ARGFX: variants seen among roughly 807,000 people sequenced by gnomAD.
The protein encoded by ARGFX is arginine-fifty homeobox.
Under a neutral mutation model 8.0 loss-of-function variants are expected in ARGFX, and 10 were observed. The observed-to-expected ratio is 1.25, with a 90% CI of 0.77 to 2.12. ARGFX has a LOEUF of 2.12. ARGFX is among the 30% of genes most tolerant of loss of function. The pLI, the probability that ARGFX is intolerant of heterozygous loss-of-function variation, is 0.00. For synonymous variants in ARGFX, 116 were observed against 117.8 expected (o/e 0.98, Z 0.10); for missense variants, 282 against 324.3 (o/e 0.87, Z 1.00).
rs1576446815 is a variant in ARGFX at position 121,589,464 on chromosome 3, G to A, written c.*2864G>A. 8.7e-6 allele frequency among the ~76,000 whole-genome samples: 1 copy of A among 114,800 alleles called. No homozygotes were observed. The highest frequency in any genetic ancestry group is 4.2e-4 in the East Asian group (1 of 2,406). 75.3% of individuals were successfully genotyped at this position (114,800 alleles called of 152,430 possible). On this transcript the variant is annotated 3_prime_UTR_variant, in exon 5 of 5. Transcript: ENST00000334384. ...GCAATCTCGGCTCACTGCAACCTCC[G>A]CCTCCTGGGTCAAATGATTCTCCTG...
intron 2 of ARGFX, among the ~76,000 whole-genome samples, 188 bp from the exon 3 acceptor site, chr3:121,576,596 C>A (rs896917469): frequency 6.6e-6 from 1 of 152,148 alleles, no homozygotes; most frequent in African/African-American, 2.4e-5. Flanking sequence ...CTCAGCCTCC[C>A]AAAGTGCTGG....
intron 4 of ARGFX, 77 bp from the exon 5 acceptor site, chr3:121,585,945 C>T (rs981114558): frequency 4.4e-6 from 6 of 1,366,302 alleles, no homozygotes; most frequent in South Asian, 1.4e-5. Flanking sequence ...TATAACCTGG[C>T]TGTTTTCACT....
chr3:121,569,895 T>C (rs2048697371), intron 1 of ARGFX, among the ~76,000 whole-genome samples: 1 of 152,218 alleles, frequency 6.6e-6, no homozygotes, highest in Non-Finnish European at 1.5e-5. Context: ...ACATGCAAGA[T>C]GTCACCATTG....
At position 121,569,635 on chromosome 3, in the gene ARGFX, A is replaced by G. The variant is rs574975946; in HGVS notation, c.-12-1067A>G. 4.0e-4 allele frequency among the ~76,000 whole-genome samples: 61 copies of G among 152,282 alleles called. 1 individual carries two copies. The South Asian group carries it at 9.1e-3, about 23-fold the overall frequency. ...CCCTCCTCGGCCTTTCAAAGTGCTG[A>G]GATTACAGGCGTGAGCCACCATGCC... On this transcript the variant is annotated intron_variant, in intron 1 of 4. Transcript: ENST00000334384.
At position 121,586,401 on chromosome 3, in the gene ARGFX, T is replaced by A; in HGVS notation, c.749T>A (p.Leu250Gln). The change falls in exon 5 of 5, where the codon CTG (leucine) becomes CAG (glutamine). Residue 250 changes from leucine (L) to glutamine (Q), a missense_variant. By Grantham distance (113) the Leu-to-Gln change is moderately radical. Transcript: ENST00000334384. ...ATATCCAGCTCTTCTTTCCACTGTC[T>A]GTATCAGTATCTCTCACCCACAAAG... is the stretch of plus-strand genomic sequence containing the variant. ...NEISSSSFHC[L>Q]YQYLSPTKYQ... 6.2e-7 allele frequency: 1 copy of A among 1,614,228 alleles called. No homozygotes were observed. Among genetic ancestry groups the A allele is most frequent in the Non-Finnish European group, 8.5e-7 (1 of 1,180,032 alleles).
At chr3:121,583,020 G>T (rs1220285767) in intron 3 of ARGFX, among the ~76,000 whole-genome samples, 1 of 137,006 alleles carries the variant, frequency 7.3e-6, no homozygotes, top group Non-Finnish European at 1.5e-5. Flanking sequence ...TTTGATAATT[G>T]CGGGATTTTT....
intron 3 of ARGFX, among the ~76,000 whole-genome samples, chr3:121,580,606 A>ATATTT (rs1227697987): frequency 0.013 from 1,550 of 115,172 alleles, 30 homozygotes; most frequent in Non-Finnish European, 0.02. Flanking sequence ...ATATATATAT[A>ATATTT]TTTTTTTTTT....
chr3:121,574,555 A>C (rs1377627703), intron 2 of ARGFX, among the ~76,000 whole-genome samples: 1 of 152,196 alleles, frequency 6.6e-6, no homozygotes, highest in Non-Finnish European at 1.5e-5. Context: ...AATAGGATTC[A>C]TGCTCCTATG....
At chr3:121,570,949 T>C in intron 2 of ARGFX, 133 bp downstream of exon 2, 1 of 587,650 alleles carries the variant, frequency 1.7e-6, no homozygotes. Context: ...AGTCTTCCCA[T>C]CATAAAAGGA....
At chr3:121,579,928 T>C (rs955827720) in intron 3 of ARGFX, among the ~76,000 whole-genome samples, 1 of 97,160 alleles carries the variant, frequency 1.0e-5, no homozygotes, top group African/African-American at 3.9e-5. Context: ...TTCTTTCTTT[T>C]TCTTTTCTTT....
rs1375930647 is a variant in ARGFX at position 121,588,242 on chromosome 3, C to T, written c.*1642C>T. Among the ~76,000 whole-genome samples the T allele has an allele frequency of 4.9e-5, 7 of 143,594 alleles. No individual in the cohort carries two copies. Among genetic ancestry groups the T allele is most frequent in the East Asian group, 2.1e-4 (1 of 4,762 alleles). 94.2% of individuals were successfully genotyped at this position (143,594 alleles called of 152,430 possible). A position where few individuals can be genotyped will look rare whatever the true frequency, so the allele number is the denominator to read the frequency against. ...CAGCACTTTGGGAGGCCGAGGCGGG[C>T]GGATCACGAGGTCAGGAGATTGAGA... is the stretch of plus-strand genomic sequence containing the variant. On this transcript the variant is annotated 3_prime_UTR_variant, in exon 5 of 5. Coordinates refer to ENST00000334384, the MANE Select transcript of ARGFX (RefSeq NM_001012659.2).
chr3:121,572,498 G>A (rs943105921), intron 2 of ARGFX, among the ~76,000 whole-genome samples: 1 of 148,868 alleles, frequency 6.7e-6, no homozygotes, highest in Admixed American at 6.7e-5. Flanking sequence ...CACGCGCCTC[G>A]GCCTTCCAAA....
chr3:121,569,373 T>TC, intron 1 of ARGFX, among the ~76,000 whole-genome samples: 1 of 150,810 alleles, frequency 6.6e-6, no homozygotes, highest in East Asian at 1.9e-4. Context: ...TTTTTTTTTT[T>TC]TTTTTTTTTT....
At chr3:121,583,521 T>G (rs1420933495) in intron 3 of ARGFX, among the ~76,000 whole-genome samples, 2 of 151,964 alleles carry the variant, frequency 1.3e-5, no homozygotes, top group Non-Finnish European at 2.9e-5. Context: ...TATGGTTCAC[T>G]GCAGCCTCAA....
chr3:121,585,674 G>A (rs1183869724), intron 4 of ARGFX, among the ~76,000 whole-genome samples: 1 of 151,654 alleles, frequency 6.6e-6, no homozygotes, highest in African/African-American at 2.4e-5. Flanking sequence ...TATAGGAGAG[G>A]CCTCCTAAAA....
intron 1 of ARGFX, among the ~76,000 whole-genome samples, chr3:121,569,362 CTTTTT>C (rs1193645372): frequency 8.0e-6 from 1 of 125,554 alleles, no homozygotes. Context: ...AATGTGAAAA[CTTTTT>C]TTTTTTTTTT....
chr3:121,570,077 A>G (rs2048698134), intron 1 of ARGFX, among the ~76,000 whole-genome samples: 1 of 152,252 alleles, frequency 6.6e-6, no homozygotes, highest in Non-Finnish European at 1.5e-5. Context: ...TTAAACATTT[A>G]AGACCTATTA....
intron 3 of ARGFX, among the ~76,000 whole-genome samples, chr3:121,577,509 T>A (rs2048750675): frequency 6.6e-6 from 1 of 151,434 alleles, no homozygotes; most frequent in Non-Finnish European, 1.5e-5. Flanking sequence ...CCGCCTGCCT[T>A]GGCCTCCCAA....
rs191862158 is a variant in ARGFX at position 121,578,187 on chromosome 3, C to T, written c.220+1287C>T. Among the ~76,000 whole-genome samples, 572 of 145,288 alleles carry T rather than the reference C, an allele frequency of 3.9e-3. 4 individuals carry two copies. The highest frequency in any genetic ancestry group is 8.6e-3 in the South Asian group (40 of 4,638). The stretch of plus-strand genomic sequence containing the variant: ...TGTTGCCCAGGCTGGAGTGCAATGG[C>T]GCAATCTTGGCTCACTGCAACCTCC... On this transcript the variant is annotated intron_variant, in intron 3 of 4. Transcript: ENST00000334384.
Sources: allele counts gnomAD v4.1 joint callset (sites outside exome capture counted in the v4.1 genomes callset), GRCh38; gene constraint gnomAD v4.1.1; transcripts MANE v1.5; gene names NCBI Gene and HGNC (gene_info 2026-07-23, HGNC 2026-07-21).